The following SEC63 variants were observed in gnomAD, a reference collection of about 807,000 sequenced individuals.
The protein encoded by SEC63 is translocation protein SEC63 homolog.
A neutral mutation model predicts 116.2 loss-of-function variants in SEC63; 56 were observed. That is an observed-to-expected ratio of 0.48 (90% CI 0.39 to 0.60). The LOEUF (loss-of-function observed/expected upper bound fraction) is 0.60. SEC63 is among the 20% of genes least tolerant of loss of function. The pLI, the probability that SEC63 is intolerant of heterozygous loss-of-function variation, is 0.00. For missense variants in SEC63, 668 were observed against 900.0 expected, an observed-to-expected ratio of 0.74 and a Z score of 3.30; for synonymous variants, 273 against 294.6, an observed-to-expected ratio of 0.93 and a Z score of 0.75.
At chr6:107,881,123 A>C (rs1243812771) in intron 18 of SEC63, 26 bp downstream of exon 18, 7 of 1,454,934 alleles carry the variant, frequency 4.8e-6, no homozygotes, top group South Asian at 3.4e-5. Context: ...TGGAATAAGG[A>C]ACACAGTAGC....
At chr6:107,918,019 T>C (rs752842832) in intron 4 of SEC63, among the ~76,000 whole-genome samples, 3 of 152,212 alleles carry the variant, frequency 2.0e-5, no homozygotes, top group Non-Finnish European at 4.4e-5. Context: ...AATGCCTGAC[T>C]TCAAAGCTTC....
At chr6:107,936,278 A>G (rs1355355956) in intron 1 of SEC63, among the ~76,000 whole-genome samples, 1 of 152,234 alleles carries the variant, frequency 6.6e-6, no homozygotes, top group African/African-American at 2.4e-5. Context: ...TATTTCAATC[A>G]ATCAGTAAGT....
At chr6:107,923,864 TTAAG>T (rs1477278596) in intron 3 of SEC63, among the ~76,000 whole-genome samples, 25 of 152,174 alleles carry the variant, frequency 1.6e-4, no homozygotes, top group African/African-American at 6.0e-4. Flanking sequence ...TTTACATTGC[TTAAG>T]TGTCAATGAA....
rs980283709 is a variant in SEC63 at position 107,907,611 on chromosome 6, C to T, written c.734-834G>A. ...AAAAAAAATCCATGTAATGTACTCACAAAAGGCAGGATAGTATAGAAGTTA... is the reference window on the plus strand; with the variant it reads ...AAAAAAAATCCATGTAATGTACTCATAAAAGGCAGGATAGTATAGAAGTTA... On this transcript the variant is annotated intron_variant, in intron 8 of 20. Coordinates refer to ENST00000369002, the MANE Select transcript of SEC63 (RefSeq NM_007214.5). 4.5e-4 allele frequency among the ~76,000 whole-genome samples: 69 copies of T among 152,086 alleles called. 1 individual carries two copies. The highest frequency in any genetic ancestry group is 5.4e-4 in the Non-Finnish European group (37 of 68,008).
chr6:107,911,557 A>G (rs1787284398), intron 6 of SEC63, among the ~76,000 whole-genome samples, 161 bp from the exon 7 acceptor site: 1 of 152,182 alleles, frequency 6.6e-6, no homozygotes, highest in African/African-American at 2.4e-5. Flanking sequence ...GGAAGGTACC[A>G]TTATTACCCT....
rs1266452804 is a variant in SEC63, at chr6:107,958,157, ACGCCGCCGCCACCTCTGCCGCTGC to A, written c.-172_-149del. ...CCGCCCCCACGCCACTCTCACGGAC[ACGCCGCCGCCACCTCTGCCGCTGC>A]CGCCGCCGTCGCCAGCTCTCGCGAG... On this transcript the variant is annotated 5_prime_UTR_variant, in exon 1 of 21. Coordinates refer to ENST00000369002, the MANE Select transcript of SEC63 (RefSeq NM_007214.5). The A allele has an allele frequency of 1.1e-5, 14 of 1,244,456 alleles. No individual in the cohort carries two copies. The highest frequency in any genetic ancestry group is 2.6e-5 in the South Asian group (2 of 76,860). 77.1% of individuals were successfully genotyped at this position (1,244,456 alleles called of 1,614,324 possible).
chr6:107,915,455 A>T (rs1337179387), intron 4 of SEC63, among the ~76,000 whole-genome samples: 1 of 152,168 alleles, frequency 6.6e-6, no homozygotes, highest in Non-Finnish European at 1.5e-5. Context: ...GCTCATCTGT[A>T]AAAACCATAT....
At chr6:107,933,705 T>C (rs867691665) in intron 1 of SEC63, among the ~76,000 whole-genome samples, 21 of 119,324 alleles carry the variant, frequency 1.8e-4, no homozygotes, top group Admixed American at 8.7e-4. Context: ...TGCCCCTGCC[T>C]CTCCCTCTCC....
chr6:107,897,317 T>C (rs1033783009), intron 14 of SEC63, among the ~76,000 whole-genome samples: 3 of 152,296 alleles, frequency 2.0e-5, no homozygotes, highest in East Asian at 3.9e-4. Flanking sequence ...CAATTCTCTA[T>C]AGAACTGACT....
rs535713308 is a variant in SEC63, at chr6:107,941,067, CTT to C, written c.125-11555_125-11554del. ...AATGCTAGCTAAGAAGGAAAGGCAA[CTT>C]AACATACAAGGATGTATGTCCCACC... On this transcript the variant is annotated intron_variant, in intron 1 of 20. Transcript: ENST00000369002. Among the ~76,000 whole-genome samples the C allele has an allele frequency of 4.1e-3, 631 of 152,238 alleles. 4 individuals are homozygous for C. Among genetic ancestry groups the C allele is most frequent in the African/African-American group, 0.014 (592 of 41,536 alleles).
intron 1 of SEC63, among the ~76,000 whole-genome samples, chr6:107,933,148 T>C (rs1026084441): frequency 2.0e-5 from 3 of 152,030 alleles, no homozygotes; most frequent in African/African-American, 7.3e-5. Context: ...TTTTTAAAGA[T>C]GAAGGAAGGG....
At chr6:107,933,345 G>A (rs924023370) in intron 1 of SEC63, among the ~76,000 whole-genome samples, 2 of 152,118 alleles carry the variant, frequency 1.3e-5, no homozygotes, top group African/African-American at 4.8e-5. Flanking sequence ...AAACCAATGA[G>A]TTTGTAGTAA....
Position 107,935,125 on chromosome 6 carries a change from G to A in SEC63, c.125-5611C>T, listed in dbSNP as rs552497865. Among the ~76,000 whole-genome samples the A allele has an allele frequency of 3.0e-3, 440 of 144,284 alleles. 4 individuals are homozygous for A. Among genetic ancestry groups the A allele is most frequent in the African/African-American group, 0.011 (426 of 38,696 alleles). 94.7% of individuals were successfully genotyped at this position (144,284 alleles called of 152,430 possible). A position where few individuals can be genotyped will look rare whatever the true frequency, so the allele number is the denominator to read the frequency against. On this transcript the variant is annotated intron_variant, in intron 1 of 20. Transcript: ENST00000369002. The stretch of plus-strand genomic sequence containing the variant: ...CCCCGTCCGGGAGGGAGGTGGGGGG[G>A]TCAGCCCCCCGCCCAGCCAGCTGCC...
intron 13 of SEC63, among the ~76,000 whole-genome samples, chr6:107,898,256 C>CA (rs10602741): frequency 5.9e-4 from 80 of 135,216 alleles, no homozygotes; most frequent in East Asian, 1.3e-3. Context: ...GACCCCATCT[C>CA]AAAAAAAAAA....
At chr6:107,887,633 A>T (rs201580854) in intron 16 of SEC63, among the ~76,000 whole-genome samples, 1 of 152,068 alleles carries the variant, frequency 6.6e-6, no homozygotes, top group Non-Finnish European at 1.5e-5. Context: ...AGCATTGGGA[A>T]ATATACCTAA....
rs941366235 is a variant in SEC63, at chr6:107,893,491, G to A, written c.1665C>T (p.Val555=). The A allele has an allele frequency of 2.2e-5, 35 of 1,612,400 alleles. No homozygotes were observed. Among genetic ancestry groups the A allele is most frequent in the South Asian group, 1.1e-4 (10 of 90,986 alleles). The change falls in exon 16 of 21, where the codon GTC becomes GTT. Residue 555 remains valine, a synonymous_variant. Transcript: ENST00000369002. ...KQQKQKQANG[V]VGNEAAVKED... ...ATAATAATAAACTTACATTCCCAACGACTCCATTTGCCTGCTTTTGTTTCT... is the reference window on the plus strand; with the variant it reads ...ATAATAATAAACTTACATTCCCAACAACTCCATTTGCCTGCTTTTGTTTCT...
chr6:107,879,576 C>T (rs1432299825), intron 18 of SEC63, among the ~76,000 whole-genome samples: 3 of 152,070 alleles, frequency 2.0e-5, no homozygotes, highest in Non-Finnish European at 4.4e-5. Flanking sequence ...CCACCCACCT[C>T]GTCCCCACAA....
intron 13 of SEC63, 145 bp downstream of exon 13, chr6:107,901,225 A>T (rs1786992711): frequency 3.8e-6 from 3 of 799,320 alleles, no homozygotes; most frequent in African/African-American, 1.7e-5. Flanking sequence ...CCAACATAGT[A>T]AATCTGACAG....
intron 3 of SEC63, among the ~76,000 whole-genome samples, chr6:107,924,229 A>G (rs1398348853): frequency 6.8e-6 from 1 of 148,094 alleles, no homozygotes; most frequent in Non-Finnish European, 1.5e-5. Context: ...GTGCCACTGC[A>G]CTCCAGCCTG....
Sources: gnomAD v4.1 joint callset for allele counts (sites outside exome capture counted in the v4.1 genomes callset) on GRCh38, gnomAD v4.1.1 for gene constraint, MANE v1.5 for transcripts, NCBI Gene and HGNC (gene_info 2026-07-23, HGNC 2026-07-21) for gene names.